NPAS3: variants seen among roughly 807,000 people sequenced by gnomAD.
NPAS3 encodes neuronal PAS domain-containing protein 3.
Under a neutral mutation model 73.1 loss-of-function variants are expected in NPAS3, and 14 were observed. The observed-to-expected ratio is 0.19, with a 90% CI of 0.13 to 0.30. The LOEUF (loss-of-function observed/expected upper bound fraction) is 0.30. Among genes scored for constraint, NPAS3 ranks in the 10% least tolerant of loss-of-function variants. NPAS3 has a pLI of 1.00. For missense variants in NPAS3, 1,096 were observed against 1,250.0 expected, an observed-to-expected ratio of 0.88 and a Z score of 1.86; for synonymous variants, 620 against 541.5, an observed-to-expected ratio of 1.14 and a Z score of -2.01.
At chr14:33,436,974 C>T (rs1158408142) in intron 4 of NPAS3, among the ~76,000 whole-genome samples, 1 of 152,162 alleles carries the variant, frequency 6.6e-6, no homozygotes, top group Non-Finnish European at 1.5e-5. Flanking sequence ...GCCCACACTA[C>T]CCCTACAATT....
chr14:33,764,242 T>A (rs2062389416), intron 7 of NPAS3, among the ~76,000 whole-genome samples: 1 of 152,184 alleles, frequency 6.6e-6, no homozygotes, highest in Non-Finnish European at 1.5e-5. Flanking sequence ...GGCGGAGGGG[T>A]ACACGGCTGT....
Position 33,445,932 on chromosome 14 carries a change from CT to C in NPAS3, c.468+78680del, listed in dbSNP as rs386381059. ...TCTTCTTTGGGTAAGGAGTGTTGCA[CT>C]TTTTTTTTTTTTTTTCAGAAGATCC... is the stretch of plus-strand genomic sequence containing the variant. On this transcript the variant is annotated intron_variant, in intron 4 of 11. Transcript: ENST00000356141. 2.0e-3 allele frequency among the ~76,000 whole-genome samples: 272 copies of C among 134,376 alleles called. 1 individual carries two copies. Among genetic ancestry groups the C allele is most frequent in the African/African-American group, 5.2e-3 (183 of 35,380 alleles). 88.2% of individuals were successfully genotyped at this position (134,376 alleles called of 152,430 possible).
chr14:33,413,646 C>T (rs886544744), intron 4 of NPAS3, among the ~76,000 whole-genome samples: 1 of 152,086 alleles, frequency 6.6e-6, no homozygotes, highest in Non-Finnish European at 1.5e-5. Context: ...AAGTTCTTGT[C>T]TAAGGACTGG....
intron 3 of NPAS3, among the ~76,000 whole-genome samples, chr14:33,222,991 A>G (rs1261750646): frequency 3.9e-5 from 6 of 152,268 alleles, no homozygotes; most frequent in African/African-American, 1.4e-4. Flanking sequence ...GGGTTCCCCC[A>G]TCAACGTGGT....
At position 33,345,986 on chromosome 14, in the gene NPAS3, A is replaced by G. The variant is rs570297944; in HGVS notation, c.386-21200A>G. 3.7e-4 allele frequency among the ~76,000 whole-genome samples: 56 copies of G among 152,146 alleles called. No individual in the cohort carries two copies. The South Asian group carries it at 0.011, about 30-fold the overall frequency. ...GGTGGTTCATGCCTGTAATCCCAGC[A>G]CTTTGGGAGGTCGAGGCAGGAGGAT... is the stretch of plus-strand genomic sequence containing the variant. On this transcript the variant is annotated intron_variant, in intron 3 of 11. Transcript: ENST00000356141.
chr14:33,261,734 A>G (rs551537391), intron 3 of NPAS3, among the ~76,000 whole-genome samples: 10 of 152,314 alleles, frequency 6.6e-5, no homozygotes, highest in African/African-American at 2.4e-4. Flanking sequence ...CCTCCAATAT[A>G]CATTTTCCAT....
At position 33,252,433 on chromosome 14, in the gene NPAS3, G is replaced by A. The variant is rs559378483; in HGVS notation, c.385+37007G>A. On this transcript the variant is annotated intron_variant, in intron 3 of 11. Transcript: ENST00000356141. ...TAAGAAGGCAACTAAGGTATTGAGT[G>A]ACTACCCTGTGCTAGACAGTGTAGT... Among the ~76,000 whole-genome samples the A allele has an allele frequency of 2.6e-5, 4 of 152,030 alleles. No individual in the cohort carries two copies. In the South Asian group the frequency reaches 8.3e-4, roughly 32 times the overall value.
chr14:33,649,784 A>G (rs1160515850), intron 5 of NPAS3, among the ~76,000 whole-genome samples: 2 of 152,202 alleles, frequency 1.3e-5, no homozygotes, highest in Non-Finnish European at 2.9e-5. Flanking sequence ...GACTGCATAT[A>G]ATAAAGGAAA....
chr14:33,044,511 C>G (rs983008892), intron 1 of NPAS3, among the ~76,000 whole-genome samples: 2 of 152,058 alleles, frequency 1.3e-5, no homozygotes, highest in Non-Finnish European at 2.9e-5. Flanking sequence ...TATTTATTTT[C>G]AGACAATTTA....
intron 4 of NPAS3, among the ~76,000 whole-genome samples, chr14:33,444,038 A>AT (rs2049372017): frequency 6.6e-6 from 1 of 152,054 alleles, no homozygotes; most frequent in Non-Finnish European, 1.5e-5. Flanking sequence ...GTACATTTGT[A>AT]TTTTTTTCCA....
chr14:32,957,016 G>C (rs2036698073), intron 1 of NPAS3, among the ~76,000 whole-genome samples: 1 of 152,166 alleles, frequency 6.6e-6, no homozygotes, highest in Non-Finnish European at 1.5e-5. Flanking sequence ...ATGGCTATTT[G>C]GTGTGGCGCC....
At chr14:33,799,130 G>A (rs1045162620) in intron 11 of NPAS3, among the ~76,000 whole-genome samples, 4 of 152,050 alleles carry the variant, frequency 2.6e-5, no homozygotes, top group Non-Finnish European at 1.5e-5. Context: ...GAGGGACAGA[G>A]GGAGACCCTG....
At chr14:33,308,873 A>T (rs1326940123) in intron 3 of NPAS3, among the ~76,000 whole-genome samples, 1 of 152,178 alleles carries the variant, frequency 6.6e-6, no homozygotes. Context: ...AATGCTAAGG[A>T]TAGCATTCTA....
chr14:33,192,712 T>C (rs2046214734), intron 2 of NPAS3, among the ~76,000 whole-genome samples: 2 of 152,218 alleles, frequency 1.3e-5, no homozygotes, highest in African/African-American at 4.8e-5. Flanking sequence ...CAAATTGTGT[T>C]CTAGTAACTT....
intron 3 of NPAS3, among the ~76,000 whole-genome samples, chr14:33,266,285 C>G (rs900420783): frequency 6.6e-6 from 1 of 152,118 alleles, no homozygotes; most frequent in African/African-American, 2.4e-5. Flanking sequence ...GACCTCCCAC[C>G]TAGGACCATT....
chr14:33,542,945 G>T (rs2054589454), intron 4 of NPAS3, among the ~76,000 whole-genome samples: 1 of 152,146 alleles, frequency 6.6e-6, no homozygotes, highest in South Asian at 2.1e-4. Flanking sequence ...AACTGGACTT[G>T]GGAAAAATTG....
Position 33,108,415 on chromosome 14 carries a change from A to T in NPAS3, c.140+52421A>T, listed in dbSNP as rs751219450. On this transcript the variant is annotated intron_variant, in intron 2 of 11. Coordinates refer to ENST00000356141, the Ensembl canonical transcript of NPAS3. ...CACTGTGTTGGCCAGGCTGGTTCTG[A>T]ACTCTTCACCTCATGATCCGTCTAC... Among the ~76,000 whole-genome samples the T allele has an allele frequency of 4.7e-4, 72 of 152,008 alleles. 1 individual carries two copies. Among genetic ancestry groups the T allele is most frequent in the Non-Finnish European group, 1.0e-3 (68 of 68,012 alleles).
chr14:33,327,892 A>G (rs966703778), intron 3 of NPAS3, among the ~76,000 whole-genome samples: 1 of 152,230 alleles, frequency 6.6e-6, no homozygotes, highest in African/African-American at 2.4e-5. Flanking sequence ...CCATTGTTTT[A>G]TTAGTATAAT....
intron 3 of NPAS3, among the ~76,000 whole-genome samples, chr14:33,338,615 CT>C (rs771699191): frequency 1.3e-5 from 2 of 152,052 alleles, no homozygotes; most frequent in Non-Finnish European, 2.9e-5. Context: ...TGCTCTGAAC[CT>C]TTTTTCTTTT....
Sources: allele counts gnomAD v4.1 joint callset (sites outside exome capture counted in the v4.1 genomes callset), GRCh38; gene constraint gnomAD v4.1.1; transcripts MANE v1.5; gene names NCBI Gene and HGNC (gene_info 2026-07-23, HGNC 2026-07-21).